Variants in PRELID2 observed in about 807,000 individuals in gnomAD.
PRELID2 encodes PRELI domain containing 2, also known as PRELI domain-containing protein 2.
In PRELID2, 25 loss-of-function variants were observed where a neutral mutation model predicts 28.4. That is an observed-to-expected ratio of 0.88 (90% CI 0.64 to 1.23). PRELID2 has a LOEUF of 1.23. Ranked by LOEUF, PRELID2 falls within the 50% of genes most tolerant of loss-of-function variation. The pLI, the probability that PRELID2 is intolerant of heterozygous loss-of-function variation, is 0.00. For missense variants in PRELID2, 201 were observed against 214.4 expected (o/e 0.94, Z 0.39); for synonymous variants, 76 against 71.6 (o/e 1.06, Z -0.31).
At chr5:145,370,570 T>A in the PRELID2 span, among the ~76,000 whole-genome samples, 2 of 152,168 alleles carry the variant, frequency 1.3e-5, no homozygotes, top group Admixed American at 6.6e-5. Context: ...CCTCCAGCTT[T>A]GTTCTTTTTT....
At chr5:145,280,395 A>G in the PRELID2 span, among the ~76,000 whole-genome samples, 1 of 152,164 alleles carries the variant, frequency 6.6e-6, no homozygotes, top group East Asian at 1.9e-4. Context: ...ACTCTACTCA[A>G]TCGTAAATTT....
chr5:145,705,621 G>C (rs1043667122), intron 1 of PRELID2, among the ~76,000 whole-genome samples: 1 of 152,014 alleles, frequency 6.6e-6, no homozygotes, highest in African/African-American at 2.4e-5. Flanking sequence ...TGTTTATACC[G>C]GGGTCAACAA....
At chr5:145,374,511 A>T in the PRELID2 span, among the ~76,000 whole-genome samples, 1 of 151,666 alleles carries the variant, frequency 6.6e-6, no homozygotes, top group Non-Finnish European at 1.5e-5. Context: ...TATTTCTTGA[A>T]TTTTCAGGTT....
chr5:145,817,423 A>ATATATATATATTTATATT (rs753851226), intron 4 of PRELID2, among the ~76,000 whole-genome samples: 5 of 130,376 alleles, frequency 3.8e-5, no homozygotes, highest in Admixed American at 7.7e-5. Context: ...AGCTAGTTTT[A>ATATATATATATTTATATT]TATATATATA....
At chr5:145,420,400 T>C in the PRELID2 span, among the ~76,000 whole-genome samples, 1 of 151,776 alleles carries the variant, frequency 6.6e-6, no homozygotes. Context: ...TATCCTCTTT[T>C]ATTTCCTGGA....
In PRELID2 at chr5:145,576,711, A is replaced by G. The variant is rs185283213; in HGVS notation, n.71-103396T>C. Among the ~76,000 whole-genome samples the G allele has an allele frequency of 1.7e-3, 252 of 152,094 alleles. 1 individual carries two copies. Among genetic ancestry groups the G allele is most frequent in the Middle Eastern group, 6.8e-3 (2 of 294 alleles). On this transcript the variant is annotated intron_variant and non_coding_transcript_variant, in intron 1 of 2. Coordinates refer to the PRELID2 transcript ENST00000510259. ...AAAAAGATGCAGTTTGTTAAATTGT[A>G]CAAAAATAGATAGAAGGAATAAGTT...
chr5:145,627,090 AC>A (rs1753856954), intron 1 of PRELID2, among the ~76,000 whole-genome samples: 1 of 111,012 alleles, frequency 9.0e-6, no homozygotes, highest in East Asian at 2.9e-4. Context: ...ACAGAGTAAG[AC>A]TCTCCCAAAA....
At chr5:145,519,211 C>A (rs767747099) in intron 1 of PRELID2, among the ~76,000 whole-genome samples, 2 of 152,090 alleles carry the variant, frequency 1.3e-5, no homozygotes, top group Admixed American at 6.5e-5. Flanking sequence ...TCCCAAACAC[C>A]GAGTTAAAGA....
intron 4 of PRELID2, among the ~76,000 whole-genome samples, chr5:145,798,148 G>T (rs148678684): frequency 8.0e-4 from 122 of 151,980 alleles, no homozygotes; most frequent in Non-Finnish European, 8.5e-4. Flanking sequence ...CAAACTTAAA[G>T]ATAGGTTATT....
the PRELID2 span, among the ~76,000 whole-genome samples, chr5:145,356,698 A>G: frequency 6.6e-6 from 1 of 152,086 alleles, no homozygotes; most frequent in Non-Finnish European, 1.5e-5. Context: ...GACAGCATAC[A>G]GTTGTGTCTT....
chr5:145,565,928 A>T (rs1200028515), intron 1 of PRELID2, among the ~76,000 whole-genome samples: 6 of 152,204 alleles, frequency 3.9e-5, no homozygotes, highest in Non-Finnish European at 2.9e-5. Context: ...AGGCAATATA[A>T]TCTCTTAACG....
chr5:145,318,020 G>A, the PRELID2 span, among the ~76,000 whole-genome samples: 2 of 152,100 alleles, frequency 1.3e-5, no homozygotes, highest in South Asian at 4.1e-4. Context: ...GATTCTCAGG[G>A]CAGGCATTAT....
the PRELID2 span, among the ~76,000 whole-genome samples, chr5:145,289,785 A>C: frequency 6.6e-6 from 1 of 152,244 alleles, no homozygotes; most frequent in South Asian, 2.1e-4. Flanking sequence ...TATCTTGTTA[A>C]TTTTAGCCAT....
intron 1 of PRELID2, among the ~76,000 whole-genome samples, chr5:145,741,451 ATAAT>A (rs1346491258): frequency 9.7e-5 from 9 of 92,776 alleles, no homozygotes; most frequent in African/African-American, 1.8e-4. Flanking sequence ...TTATTTATAA[ATAAT>A]TTATTTATAT....
intron 1 of PRELID2, among the ~76,000 whole-genome samples, chr5:145,610,798 A>G (rs1753602063): frequency 6.6e-6 from 1 of 152,122 alleles, no homozygotes; most frequent in Admixed American, 6.5e-5. Flanking sequence ...GATCTTGTTT[A>G]AGTTGATAAG....
At chr5:145,493,299 G>A (rs1561493562) in intron 1 of PRELID2, among the ~76,000 whole-genome samples, 1 of 151,934 alleles carries the variant, frequency 6.6e-6, no homozygotes, top group Non-Finnish European at 1.5e-5. Context: ...ATCATTTCAG[G>A]CCCACATCTA....
intron 1 of PRELID2, among the ~76,000 whole-genome samples, chr5:145,737,264 A>T (rs960634868): frequency 2.0e-5 from 3 of 152,046 alleles, no homozygotes; most frequent in Non-Finnish European, 4.4e-5. Context: ...ATAACAGGGG[A>T]CCCAGACTCG....
At chr5:145,579,513 A>G (rs1253149318) in intron 1 of PRELID2, among the ~76,000 whole-genome samples, 1 of 152,102 alleles carries the variant, frequency 6.6e-6, no homozygotes, top group Non-Finnish European at 1.5e-5. Context: ...CCATGACAAG[A>G]GGAGTCAAGT....
intron 1 of PRELID2, among the ~76,000 whole-genome samples, chr5:145,494,041 G>C (rs973345603): frequency 6.6e-6 from 1 of 152,156 alleles, no homozygotes; most frequent in African/African-American, 2.4e-5. Flanking sequence ...CATTTACTTA[G>C]ATTCACACAC....
Sources: allele counts gnomAD v4.1 joint callset (sites outside exome capture counted in the v4.1 genomes callset), GRCh38; gene constraint gnomAD v4.1.1; transcripts MANE v1.5; gene names NCBI Gene and HGNC (gene_info 2026-07-23, HGNC 2026-07-21).